The following LPP variants were observed in gnomAD, a reference collection of about 807,000 sequenced individuals.
The protein encoded by LPP is lipoma-preferred partner.
In LPP, 38 loss-of-function variants were observed where a neutral mutation model predicts 60.4. The observed-to-expected ratio is 0.63, with a 90% CI of 0.49 to 0.83. LPP has a LOEUF of 0.83. LPP is among the 40% of genes least tolerant of loss of function. The pLI, the probability that LPP is intolerant of heterozygous loss-of-function variation, is 0.00. For synonymous variants in LPP, 328 were observed against 290.8 expected, an observed-to-expected ratio of 1.13 and a Z score of -1.30; for missense variants, 902 against 783.6, an observed-to-expected ratio of 1.15 and a Z score of -1.80.
chr3:188,207,212 C>CTTTTTTTTTTTT (rs5855184), intron 1 of LPP, among the ~76,000 whole-genome samples: 2 of 129,346 alleles, frequency 1.5e-5, no homozygotes, highest in Non-Finnish European at 1.6e-5. Context: ...TACACATTTT[C>CTTTTTTTTTTTT]TTTTTTTTTT....
chr3:188,179,444 C>T (rs2148886130), intron 1 of LPP: 1 of 457,872 alleles, frequency 2.2e-6, no homozygotes, highest in Non-Finnish European at 4.4e-6. Flanking sequence ...CCTTTGGGTC[C>T]CCTGTGACTC....
intron 7 of LPP, among the ~76,000 whole-genome samples, chr3:188,692,488 C>T (rs1862348064): frequency 6.6e-6 from 1 of 152,150 alleles, no homozygotes; most frequent in Non-Finnish European, 1.5e-5. Flanking sequence ...TATGCAAATC[C>T]CATCTTTGTC....
chr3:188,815,770 G>A (rs748972861), intron 9 of LPP, among the ~76,000 whole-genome samples: 7 of 152,166 alleles, frequency 4.6e-5, no homozygotes, highest in Admixed American at 2.0e-4. Context: ...CCTTTAATCT[G>A]ACCATAATGT....
At chr3:188,826,421 G>A (rs1160984711) in intron 9 of LPP, among the ~76,000 whole-genome samples, 1 of 152,108 alleles carries the variant, frequency 6.6e-6, no homozygotes, top group Admixed American at 6.6e-5. Flanking sequence ...CACATGGTCA[G>A]TACATTTTAA....
chr3:188,834,738 G>T (rs894057038), intron 9 of LPP, among the ~76,000 whole-genome samples: 1 of 152,098 alleles, frequency 6.6e-6, no homozygotes, highest in Non-Finnish European at 1.5e-5. Flanking sequence ...AATGTTCTTA[G>T]GTTCCATGTC....
chr3:188,632,984 G>C (rs997070149), intron 7 of LPP, among the ~76,000 whole-genome samples: 2 of 152,164 alleles, frequency 1.3e-5, no homozygotes, highest in East Asian at 1.9e-4. Context: ...AGGGAGAAAA[G>C]TCTAACATAC....
At chr3:188,668,034 C>G (rs928875507) in intron 7 of LPP, among the ~76,000 whole-genome samples, 3 of 151,980 alleles carry the variant, frequency 2.0e-5, no homozygotes, top group African/African-American at 7.3e-5. Flanking sequence ...CACTTAAAAG[C>G]CAGTATAAAA....
intron 8 of LPP, among the ~76,000 whole-genome samples, chr3:188,731,133 G>A (rs146862790): frequency 1.3e-5 from 2 of 152,278 alleles, no homozygotes; most frequent in Non-Finnish European, 2.9e-5. Flanking sequence ...GAGGCATTAC[G>A]CTGCCTGTGA....
At chr3:188,322,626 T>C (rs1486402750) in intron 2 of LPP, among the ~76,000 whole-genome samples, 1 of 152,182 alleles carries the variant, frequency 6.6e-6, no homozygotes, top group Admixed American at 6.5e-5. Context: ...GATTCTCTGG[T>C]AGAAGAGAAT....
In LPP at chr3:188,774,875, C is replaced by G. The variant is rs145243474; in HGVS notation, c.1410+14593C>G. 6.6e-3 allele frequency among the ~76,000 whole-genome samples: 1,011 copies of G among 152,212 alleles called. 7 individuals are homozygous for G. Among genetic ancestry groups the G allele is most frequent in the Middle Eastern group, 0.01 (3 of 294 alleles). On this transcript the variant is annotated intron_variant, in intron 9 of 11. Transcript: ENST00000617246. ...TCACTTCTCAAAGGCCCCATATACA[C>G]ATACTATCACTTTGGGGTTAAGGCT...
At chr3:188,811,022 G>A (rs774338000) in intron 9 of LPP, among the ~76,000 whole-genome samples, 4 of 152,042 alleles carry the variant, frequency 2.6e-5, no homozygotes, top group Admixed American at 2.6e-4. Context: ...CAAGGGTATA[G>A]ATGTAGGAAT....
intron 4 of LPP, among the ~76,000 whole-genome samples, chr3:188,422,912 TTTGTGTGTGTGTGTGTGTGTG>T (rs1263550569): frequency 7.4e-6 from 1 of 135,552 alleles, no homozygotes; most frequent in Non-Finnish European, 1.6e-5. Flanking sequence ...TGGTGTCTTC[TTTGTGTGTGTGTGTGTGTGTG>T]TGTGTGTGTG....
At chr3:188,538,952 A>G (rs1377904845) in intron 6 of LPP, among the ~76,000 whole-genome samples, 3 of 152,208 alleles carry the variant, frequency 2.0e-5, no homozygotes, top group African/African-American at 4.8e-5. Context: ...TTATGATTCC[A>G]TTTATATGAA....
chr3:188,868,523 A>T (rs994721894), intron 10 of LPP, among the ~76,000 whole-genome samples: 1 of 152,232 alleles, frequency 6.6e-6, no homozygotes, highest in Non-Finnish European at 1.5e-5. Flanking sequence ...AATGATAATA[A>T]TGTTGTCTTC....
intron 5 of LPP, among the ~76,000 whole-genome samples, chr3:188,522,083 A>G (rs1356935217): frequency 2.0e-5 from 3 of 152,208 alleles, no homozygotes; most frequent in Non-Finnish European, 2.9e-5. Flanking sequence ...TGATATAAAC[A>G]TGAAATCTCC....
intron 2 of LPP, among the ~76,000 whole-genome samples, chr3:188,303,154 G>C (rs1005540357): frequency 2.0e-5 from 3 of 152,176 alleles, no homozygotes; most frequent in Non-Finnish European, 2.9e-5. Flanking sequence ...TGGTCCATAA[G>C]GTGTCTGTTG....
chr3:188,399,804 G>T (rs1280562706), intron 3 of LPP, among the ~76,000 whole-genome samples: 1 of 152,120 alleles, frequency 6.6e-6, no homozygotes. Flanking sequence ...TTCAGTTTTG[G>T]TGATCTATAT....
At chr3:188,424,038 T>C (rs2149070777) in intron 4 of LPP, among the ~76,000 whole-genome samples, 1 of 152,368 alleles carries the variant, frequency 6.6e-6, no homozygotes, top group East Asian at 1.9e-4. Flanking sequence ...TCCATTCCTA[T>C]GTCCTGAATG....
chr3:188,153,423 G>T (rs972464447), upstream of LPP: 2 of 152,282 alleles, frequency 1.3e-5, no homozygotes, highest in African/African-American at 4.8e-5. Flanking sequence ...TCTTGGAAGG[G>T]GATTTCATGG....
Sources: allele counts gnomAD v4.1 joint callset (sites outside exome capture counted in the v4.1 genomes callset), GRCh38; gene constraint gnomAD v4.1.1; transcripts MANE v1.5; gene names NCBI Gene and HGNC (gene_info 2026-07-23, HGNC 2026-07-21).